PID1: variants seen among roughly 807,000 people sequenced by gnomAD.
PID1 encodes the protein phosphotyrosine interaction domain containing 1.
PID1 carries 10 observed loss-of-function variants against 19.1 expected under a neutral mutation model. The ratio of observed to expected loss-of-function variants is 0.52; its 90% CI spans 0.32 to 0.89. PID1 has a LOEUF of 0.89. Among genes scored for constraint, PID1 ranks in the 40% least tolerant of loss-of-function variants. The pLI is 0.03. For synonymous variants in PID1, 130 were observed against 116.0 expected (o/e 1.12, Z -0.78); for missense variants, 248 against 285.3 (o/e 0.87, Z 0.94).
chr2:229,199,720 T>TTA (rs55942947), intron 1 of PID1, among the ~76,000 whole-genome samples: 12,577 of 131,894 alleles, frequency 0.095, 595 homozygotes, highest in Admixed American at 0.12. Flanking sequence ...AATATCTAAT[T>TTA]TATATATATA....
chr2:229,199,907 CAA>C (rs1268016445), intron 1 of PID1, among the ~76,000 whole-genome samples: 15 of 151,726 alleles, frequency 9.9e-5, no homozygotes, highest in Non-Finnish European at 1.8e-4. Context: ...AATCAAATAA[CAA>C]AAAGTTTCTA....
intron 2 of PID1, among the ~76,000 whole-genome samples, chr2:229,056,996 G>A (rs1380728224): frequency 6.6e-6 from 1 of 150,892 alleles, no homozygotes; most frequent in Non-Finnish European, 1.5e-5. Context: ...ATTCCAAAAA[G>A]AAAGTAATAC....
intron 2 of PID1, among the ~76,000 whole-genome samples, chr2:229,083,825 C>T (rs1482830499): frequency 6.6e-6 from 1 of 152,186 alleles, no homozygotes; most frequent in Non-Finnish European, 1.5e-5. Context: ...CGTGCAATAG[C>T]TCAAAACAGC....
intron 1 of PID1, among the ~76,000 whole-genome samples, chr2:229,220,772 A>C (rs1691950812): frequency 1.3e-5 from 2 of 152,234 alleles, no homozygotes; most frequent in South Asian, 4.1e-4. Context: ...CTTTGGAGTA[A>C]AATTAAAACT....
At position 229,227,839 on chromosome 2, in the gene PID1, G is replaced by A. The variant is rs1196854991; in HGVS notation, c.30+43175C>T. On this transcript the variant is annotated intron_variant, in intron 1 of 2. Transcript: ENST00000392055. ...GTCATTATCTCCCAACCAACACAGG[G>A]TAACAACGATTTATATAGCATTTAC... 15 of 343,972 alleles carry A rather than the reference G, an allele frequency of 4.4e-5. No individual in the cohort carries two copies. The East Asian group carries it at 1.1e-3, about 26-fold the overall frequency. 21.3% of individuals were successfully genotyped at this position (343,972 alleles called of 1,614,324 possible).
chr2:229,264,756 A>G (rs1199069282), intron 1 of PID1, among the ~76,000 whole-genome samples: 1 of 152,218 alleles, frequency 6.6e-6, no homozygotes, highest in Non-Finnish European at 1.5e-5. Context: ...TAGGAAATAT[A>G]TATTAAGTCC....
intron 2 of PID1, among the ~76,000 whole-genome samples, chr2:229,094,087 A>G (rs1694928152): frequency 6.6e-6 from 1 of 152,230 alleles, no homozygotes; most frequent in East Asian, 1.9e-4. Flanking sequence ...TAATACATTC[A>G]GTAAAGTCTC....
intron 2 of PID1, among the ~76,000 whole-genome samples, chr2:229,071,775 G>C (rs1029692502): frequency 2.6e-5 from 4 of 152,152 alleles, no homozygotes; most frequent in Admixed American, 6.5e-5. Flanking sequence ...TCATAACCAT[G>C]TTTTTGAAAC....
intron 1 of PID1, among the ~76,000 whole-genome samples, chr2:229,241,801 A>G (rs1354463340): frequency 6.6e-6 from 1 of 152,154 alleles, no homozygotes; most frequent in East Asian, 1.9e-4. Flanking sequence ...GCTTTCTTAC[A>G]AAAGTTACCT....
intron 1 of PID1, among the ~76,000 whole-genome samples, chr2:229,161,763 C>T (rs772687025): frequency 1.2e-4 from 19 of 152,156 alleles, no homozygotes; most frequent in Non-Finnish European, 2.2e-4. Flanking sequence ...AAGAGTGTAC[C>T]TGCAGTGGCA....
At position 229,221,910 on chromosome 2, in the gene PID1, G is replaced by A. The variant is rs561981179; in HGVS notation, c.30+49104C>T. On this transcript the variant is annotated intron_variant, in intron 1 of 2. Coordinates refer to ENST00000392055, the MANE Select transcript of PID1 (RefSeq NM_001100818.2). ...CACATCTGAGCACTTGGCAAATGCCGGGGATCCCCCCTCTGACATTCCTGT... is the reference window on the plus strand; with the variant it reads ...CACATCTGAGCACTTGGCAAATGCCAGGGATCCCCCCTCTGACATTCCTGT... Among the ~76,000 whole-genome samples, 7 of 152,216 alleles carry A rather than the reference G, an allele frequency of 4.6e-5. No individual in the cohort carries two copies. The East Asian group carries it at 5.8e-4, about 13-fold the overall frequency.
chr2:229,104,468 G>A (rs1399973873), intron 2 of PID1, among the ~76,000 whole-genome samples: 2 of 152,190 alleles, frequency 1.3e-5, no homozygotes, highest in African/African-American at 2.4e-5. Flanking sequence ...AAATACAAAT[G>A]TGTACTCCTA....
rs1693710861 is a variant in PID1, at chr2:229,038,736, T to A, written c.178-12628A>T. Among the ~76,000 whole-genome samples, 4 of 152,170 alleles carry A rather than the reference T, an allele frequency of 2.6e-5. No individual in the cohort carries two copies. In the South Asian group the frequency reaches 8.3e-4, roughly 32 times the overall value. On this transcript the variant is annotated intron_variant, in intron 2 of 2. Coordinates refer to ENST00000392055, the MANE Select transcript of PID1 (RefSeq NM_001100818.2). ...AAAATATGACAGGGTAGACAATAAA[T>A]GATTAAGCAACAGTTATGAAATCCA... is the stretch of plus-strand genomic sequence containing the variant.
intron 1 of PID1, among the ~76,000 whole-genome samples, chr2:229,194,547 A>G (rs576504131): frequency 6.6e-6 from 1 of 152,176 alleles, no homozygotes; most frequent in Non-Finnish European, 1.5e-5. Flanking sequence ...ATAAGATTAC[A>G]CTAAATACAA....
intron 1 of PID1, among the ~76,000 whole-genome samples, chr2:229,268,702 T>C (rs1690657168): frequency 1.3e-5 from 2 of 152,144 alleles, no homozygotes; most frequent in African/African-American, 4.8e-5. Flanking sequence ...CAGAACTCAT[T>C]CTCAAGTTTC....
chr2:229,241,126 C>T (rs774554458), intron 1 of PID1, among the ~76,000 whole-genome samples: 1 of 152,104 alleles, frequency 6.6e-6, no homozygotes, highest in Non-Finnish European at 1.5e-5. Flanking sequence ...TCCTTAGTTC[C>T]TCTAACAAAT....
chr2:229,190,136 T>C (rs1025973524), intron 1 of PID1, among the ~76,000 whole-genome samples: 31 of 152,240 alleles, frequency 2.0e-4, no homozygotes, highest in African/African-American at 6.3e-4. Flanking sequence ...CTTCTGGTTA[T>C]GGCAAGTGAC....
chr2:229,119,364 C>T (rs1387313978), intron 2 of PID1, among the ~76,000 whole-genome samples: 5 of 152,176 alleles, frequency 3.3e-5, no homozygotes, highest in Non-Finnish European at 7.4e-5. Context: ...TACTTTCTAC[C>T]ATACCCTTCA....
At chr2:229,128,486 C>T (rs922014291) in intron 2 of PID1, among the ~76,000 whole-genome samples, 2 of 151,888 alleles carry the variant, frequency 1.3e-5, no homozygotes, top group Admixed American at 6.6e-5. Flanking sequence ...TGCTTTGATA[C>T]GAAAACAAAA....
Sources: gnomAD v4.1 joint callset for allele counts (sites outside exome capture counted in the v4.1 genomes callset) on GRCh38, gnomAD v4.1.1 for gene constraint, MANE v1.5 for transcripts, NCBI Gene and HGNC (gene_info 2026-07-23, HGNC 2026-07-21) for gene names.